Variants in ARHGAP6 observed in about 807,000 individuals in gnomAD.
The protein encoded by ARHGAP6 is Rho GTPase activating protein 6.
ARHGAP6 carries 16 observed loss-of-function variants against 55.7 expected under a neutral mutation model. The observed-to-expected ratio is 0.29, with a 90% CI of 0.19 to 0.44. The LOEUF (loss-of-function observed/expected upper bound fraction) is 0.44, where lower values mean the gene tolerates loss of function less well. Among genes scored for constraint, ARHGAP6 ranks in the 20% least tolerant of loss-of-function variants. ARHGAP6 has a pLI of 1.00. For synonymous variants in ARHGAP6, 382 were observed against 360.9 expected (o/e 1.06, Z -0.66); for missense variants, 698 against 808.9 (o/e 0.86, Z 1.66).
chrX:11,334,454 G>A (rs1437216919), intron 1 of ARHGAP6: 1 of 113,541 alleles, frequency 8.8e-6, no homozygotes, highest in Non-Finnish European at 1.9e-5. Context: ...GAGATCAGCT[G>A]AGTCTGCATG....
chrX:11,179,751 TATGTATATGTATAC>T (rs1170115530), intron 6 of ARHGAP6, among the ~76,000 whole-genome samples: 2 of 90,121 alleles, frequency 2.2e-5, no homozygotes, highest in African/African-American at 9.1e-5. Flanking sequence ...TATACATATA[TATGTATATGTATAC>T]ATATATATAT....
intron 1 of ARHGAP6, among the ~76,000 whole-genome samples, chrX:11,362,722 A>C (rs2147696271): frequency 9.0e-6 from 1 of 110,723 alleles, no homozygotes; most frequent in South Asian, 3.8e-4. Flanking sequence ...GAAAAAAAGT[A>C]TTTCCTCCCT....
chrX:11,495,120 A>G (rs2050609135), intron 1 of ARHGAP6, among the ~76,000 whole-genome samples: 1 of 112,153 alleles, frequency 8.9e-6, no homozygotes, highest in Non-Finnish European at 1.9e-5. Flanking sequence ...CAATGACATC[A>G]TAGCGCACTA....
At position 11,377,747 on chromosome X, in the gene ARHGAP6, G is replaced by C; in HGVS notation, c.589-123040C>G. Among the ~76,000 whole-genome samples the C allele has an allele frequency of 2.7e-5, 3 of 111,490 alleles. 1 individual carries two copies. The Admixed American group carries it at 2.9e-4, about 11-fold the overall frequency. On this transcript the variant is annotated intron_variant, in intron 1 of 12. Coordinates refer to ENST00000337414, the MANE Select transcript of ARHGAP6 (RefSeq NM_013427.3). ...GTTGCCAACATTCAAATGAGGCTGA[G>C]GGTTTACGACAGTGAGAGAGATAGG...
At chrX:11,527,535 C>T (rs1331171239) in intron 1 of ARHGAP6, among the ~76,000 whole-genome samples, 1 of 111,920 alleles carries the variant, frequency 8.9e-6, no homozygotes, top group Non-Finnish European at 1.9e-5. Context: ...TTGCTTGAAC[C>T]CGGGAGGTGG....
intron 1 of ARHGAP6, among the ~76,000 whole-genome samples, chrX:11,268,108 CCTT>C (rs778876394): frequency 6.2e-5 from 7 of 112,015 alleles, no homozygotes; most frequent in Admixed American, 3.8e-4. Context: ...ATTCATTCCA[CCTT>C]CTTCTTGGCT....
At chrX:11,300,054 G>A (rs1011892460) in intron 1 of ARHGAP6, among the ~76,000 whole-genome samples, 1 of 111,875 alleles carries the variant, frequency 8.9e-6, no homozygotes, top group African/African-American at 3.2e-5. Context: ...TTTGAAAATT[G>A]ATTGAATCCC....
intron 5 of ARHGAP6, 40 bp from the exon 6 acceptor site, chrX:11,182,158 G>A: frequency 8.9e-7 from 1 of 1,119,255 alleles, no homozygotes; most frequent in Non-Finnish European, 1.2e-6. Flanking sequence ...TTGTTTCATG[G>A]CTTGAGACCC....
chrX:11,246,221 A>ATGG (rs1210472606), intron 2 of ARHGAP6, among the ~76,000 whole-genome samples: 1 of 111,370 alleles, frequency 9.0e-6, no homozygotes, highest in Non-Finnish European at 1.9e-5. Flanking sequence ...GATGATGATG[A>ATGG]TGGTGATGGA....
intron 1 of ARHGAP6, among the ~76,000 whole-genome samples, chrX:11,547,472 G>A (rs959753156): frequency 4.5e-5 from 5 of 111,347 alleles, no homozygotes; most frequent in Non-Finnish European, 5.7e-5. Context: ...ATTTCCAAAC[G>A]AGGTCTGTTC....
chrX:11,641,052 AT>A (rs369850260), intron 1 of ARHGAP6, among the ~76,000 whole-genome samples: 13,439 of 101,733 alleles, frequency 0.13, 786 homozygotes, highest in Middle Eastern at 0.24. Flanking sequence ...TGAGTAACCC[AT>A]TTTTTTTTTC....
At chrX:11,178,737 C>T (rs1267900517) in intron 7 of ARHGAP6, among the ~76,000 whole-genome samples, 1 of 112,275 alleles carries the variant, frequency 8.9e-6, no homozygotes, top group Non-Finnish European at 1.9e-5. Context: ...CTTCTCTCTC[C>T]GTTGTGATCC....
chrX:11,376,402 G>C (rs2049201136), intron 1 of ARHGAP6, among the ~76,000 whole-genome samples: 1 of 112,717 alleles, frequency 8.9e-6, no homozygotes, highest in Non-Finnish European at 1.9e-5. Flanking sequence ...TGGAAGAAAA[G>C]CACAAAGGCA....
chrX:11,437,501 T>C (rs2147794638), intron 1 of ARHGAP6, among the ~76,000 whole-genome samples: 1 of 111,953 alleles, frequency 8.9e-6, no homozygotes, highest in Admixed American at 9.5e-5. Context: ...GATGTGCAAT[T>C]GATTTATTAA....
chrX:11,381,217 G>T (rs2049259272), intron 1 of ARHGAP6, among the ~76,000 whole-genome samples: 1 of 112,352 alleles, frequency 8.9e-6, no homozygotes, highest in Non-Finnish European at 1.9e-5. Context: ...TACCTAGAAG[G>T]GTAAGTTTCC....
intron 1 of ARHGAP6, among the ~76,000 whole-genome samples, chrX:11,628,705 C>T (rs2052326964): frequency 8.9e-6 from 1 of 112,242 alleles, no homozygotes; most frequent in East Asian, 2.8e-4. Flanking sequence ...AAATCTGCTA[C>T]GTGAAAGCAA....
At chrX:11,404,161 C>T (rs943912155) in intron 1 of ARHGAP6, among the ~76,000 whole-genome samples, 9 of 111,755 alleles carry the variant, frequency 8.1e-5, no homozygotes, top group Admixed American at 3.8e-4. Flanking sequence ...AGCCGTCTTC[C>T]TCATCTCTCT....
intron 1 of ARHGAP6, among the ~76,000 whole-genome samples, chrX:11,414,272 G>A (rs1313740461): frequency 1.8e-5 from 2 of 112,333 alleles, no homozygotes. Context: ...AAGACAATAT[G>A]TCAATAAATG....
intron 1 of ARHGAP6, among the ~76,000 whole-genome samples, chrX:11,400,296 T>C (rs1330227120): frequency 1.8e-5 from 2 of 111,262 alleles, no homozygotes; most frequent in Non-Finnish European, 3.8e-5. Flanking sequence ...GAAGTATTAA[T>C]AAAATTTGGA....
Sources: allele counts gnomAD v4.1 joint callset (sites outside exome capture counted in the v4.1 genomes callset), GRCh38; gene constraint gnomAD v4.1.1; transcripts MANE v1.5; gene names NCBI Gene and HGNC (gene_info 2026-07-23, HGNC 2026-07-21).